The following CDA variants were observed in gnomAD, a reference collection of about 807,000 sequenced individuals.
The protein encoded by CDA is cytidine deaminase.
Under a neutral mutation model 15.0 loss-of-function variants are expected in CDA, and 7 were observed. The ratio of observed to expected loss-of-function variants is 0.47; its 90% CI spans 0.26 to 0.87. The LOEUF (loss-of-function observed/expected upper bound fraction) is 0.87, where lower values mean the gene tolerates loss of function less well. Ranked by LOEUF, CDA falls within the 40% of genes least tolerant of loss-of-function variation. The pLI is 0.15. For missense variants in CDA, 159 were observed against 182.7 expected, an observed-to-expected ratio of 0.87 and a Z score of 0.75; for synonymous variants, 58 against 73.0, an observed-to-expected ratio of 0.79 and a Z score of 1.05.
At chr1:20,604,395 T>C (rs1337687519) in intron 1 of CDA, among the ~76,000 whole-genome samples, 1 of 152,126 alleles carries the variant, frequency 6.6e-6, no homozygotes, top group Admixed American at 6.5e-5. Context: ...GTTCTCTGGT[T>C]TTATAAGTGC....
chr1:20,617,593 G>C (rs1440386806), intron 3 of CDA, among the ~76,000 whole-genome samples: 1 of 152,144 alleles, frequency 6.6e-6, no homozygotes, highest in Non-Finnish European at 1.5e-5. Context: ...CTGTTGCCAG[G>C]TAAGACATCC....
chr1:20,617,045 G>T (rs2052819307), intron 3 of CDA, among the ~76,000 whole-genome samples: 1 of 152,062 alleles, frequency 6.6e-6, no homozygotes, highest in Non-Finnish European at 1.5e-5. Flanking sequence ...AGAATACCTG[G>T]CCAGAAAGAG....
chr1:20,604,821 G>C, intron 1 of CDA, 107 bp from the exon 2 acceptor site: 1 of 766,842 alleles, frequency 1.3e-6, no homozygotes, highest in Non-Finnish European at 2.3e-6. Context: ...ACCTTGTTTG[G>C]AGTAACCAGT....
Position 20,610,264 on chromosome 1 carries a change from T to TA in CDA, c.267-3578_267-3577insA, listed in dbSNP as rs1348858537. Reference sequence around the variant, plus strand: ...GCACATTCTAGGCACACATTATCTTTTTTTTTTTTATTTTATTTTATTTTT... The same window carrying TA: ...GCACATTCTAGGCACACATTATCTTTATTTTTTTTTATTTTATTTTATTTTT... On this transcript the variant is annotated intron_variant, in intron 2 of 3. Coordinates refer to ENST00000375071, the MANE Select transcript of CDA (RefSeq NM_001785.3). 8.4e-3 allele frequency among the ~76,000 whole-genome samples: 524 copies of TA among 62,314 alleles called. 7 individuals carry two copies. The highest frequency in any genetic ancestry group is 0.019 in the Admixed American group (85 of 4,424). 40.9% of individuals were successfully genotyped at this position (62,314 alleles called of 152,430 possible). A position where few individuals can be genotyped will look rare whatever the true frequency, so the allele number is the denominator to read the frequency against.
At chr1:20,595,443 CT>C (rs2101177413) in intron 1 of CDA, among the ~76,000 whole-genome samples, 1 of 152,286 alleles carries the variant, frequency 6.6e-6, no homozygotes, top group East Asian at 1.9e-4. Flanking sequence ...ACCAGCCCCT[CT>C]CTTCAGCAGC....
At chr1:20,613,722 G>A (rs949996753) in intron 2 of CDA, 120 bp from the exon 3 acceptor site, 2 of 886,588 alleles carry the variant, frequency 2.3e-6, no homozygotes, top group African/African-American at 3.3e-5. Flanking sequence ...TGTGAATCAG[G>A]AACTGCCTGA....
chr1:20,591,637 C>T (rs1024719295), intron 1 of CDA, among the ~76,000 whole-genome samples: 2 of 152,086 alleles, frequency 1.3e-5, no homozygotes, highest in African/African-American at 4.8e-5. Context: ...AGGAGATAAA[C>T]AGGACTGTGG....
chr1:20,597,589 G>C (rs2052602270), intron 1 of CDA, among the ~76,000 whole-genome samples: 1 of 152,216 alleles, frequency 6.6e-6, no homozygotes, highest in Non-Finnish European at 1.5e-5. Context: ...CTGACCTTAT[G>C]CAGGTAAAGC....
chr1:20,592,419 T>C (rs10916824), intron 1 of CDA, among the ~76,000 whole-genome samples: 9,048 of 152,326 alleles, frequency 0.059, 373 homozygotes, highest in South Asian at 0.091. Flanking sequence ...CTATCATTAT[T>C]CTTATTATCT....
rs545704920 is a variant in CDA, at chr1:20,602,149, AGGAGG to A, written c.155-2752_155-2748del. On this transcript the variant is annotated intron_variant, in intron 1 of 3. Transcript: ENST00000375071. ...GAAAGGAGAGGGGAGAGGAGGAGAA[AGGAGG>A]GGAGGGGAGGGGAGGGGAGGGGAGG... Among the ~76,000 whole-genome samples, 479 of 71,914 alleles carry A rather than the reference AGGAGG, an allele frequency of 6.7e-3. 3 individuals carry two copies. Among genetic ancestry groups the A allele is most frequent in the African/African-American group, 0.016 (303 of 19,488 alleles). The allele number at this position is 71,914 out of a possible 152,430, so 47.2% of individuals were successfully genotyped here.
intron 1 of CDA, among the ~76,000 whole-genome samples, chr1:20,595,650 G>A (rs933531703): frequency 2.6e-5 from 4 of 152,152 alleles, no homozygotes; most frequent in African/African-American, 9.7e-5. Context: ...GACCAGCCTA[G>A]GCAACAGGGT....
chr1:20,605,923 C>A (rs1414854609), intron 2 of CDA, among the ~76,000 whole-genome samples: 1 of 126,326 alleles, frequency 7.9e-6, no homozygotes, highest in Non-Finnish European at 1.8e-5. Context: ...TCTTGGCTTA[C>A]TTATAGGTTC....
rs2052525817 is a variant in CDA at position 20,589,176 on chromosome 1, A to G, written c.47A>G (p.Gln16Arg). ...TGCACCCTGAAGCCTGAGTGTGTCC[A>G]GCAGCTGCTGGTTTGCTCCCAGGAG... ...PACTLKPECV[Q>R]QLLVCSQEAK... Residue 16 changes from glutamine to arginine, a missense_variant, in exon 1 of 4, where the codon CAG becomes CGG. Transcript: ENST00000375071. The G allele has an allele frequency of 6.2e-7, 1 of 1,613,972 alleles. No individual in the cohort carries two copies. The highest frequency in any genetic ancestry group is 1.7e-5 in the Admixed American group (1 of 59,994).
intron 1 of CDA, among the ~76,000 whole-genome samples, chr1:20,593,608 C>T (rs990869800): frequency 6.6e-6 from 1 of 152,232 alleles, no homozygotes; most frequent in Non-Finnish European, 1.5e-5. Flanking sequence ...CAGGGTCTCT[C>T]TGCTGCCCAT....
intron 1 of CDA, among the ~76,000 whole-genome samples, chr1:20,591,012 C>A (rs1445461689): frequency 1.3e-5 from 2 of 152,146 alleles, no homozygotes; most frequent in African/African-American, 4.8e-5. Context: ...CCAGGGGACC[C>A]CCATGCCAGA....
chr1:20,598,617 T>C (rs1422409061), intron 1 of CDA, among the ~76,000 whole-genome samples: 1 of 152,244 alleles, frequency 6.6e-6, no homozygotes, highest in Admixed American at 6.5e-5. Flanking sequence ...GGGCCCTCTT[T>C]CTGACTTGGC....
rs78313074 is a variant in CDA at position 20,608,393 on chromosome 1, A to AGTTTTGTTTTGTTTTGTTTTGTTTT, written c.266+3364_266+3388dup. 3.3e-3 allele frequency among the ~76,000 whole-genome samples: 345 copies of AGTTTTGTTTTGTTTTGTTTTGTTTT among 104,994 alleles called. 4 individuals carry two copies. The highest frequency in any genetic ancestry group is 0.011 in the African/African-American group (330 of 31,304). The allele number at this position is 104,994 out of a possible 152,430, so 68.9% of individuals were successfully genotyped here. A position where few individuals can be genotyped will look rare whatever the true frequency, so the allele number is the denominator to read the frequency against. ...ATGTAATACATTCAAACTATTATATAGTTTTGTTTTGTTTTGTTTTGTTTT... is the reference window on the plus strand; with the variant it reads ...ATGTAATACATTCAAACTATTATATAGTTTTGTTTTGTTTTGTTTTGTTTTGTTTTGTTTTGTTTTGTTTTGTTTT... On this transcript the variant is annotated intron_variant, in intron 2 of 3. Transcript: ENST00000375071.
chr1:20,604,995 C>A lies in CDA; in HGVS notation c.222C>A (p.Ala74=), dbSNP rs781623943. The A allele has an allele frequency of 6.8e-6, 11 of 1,613,884 alleles. No individual in the cohort carries two copies. The highest frequency in any genetic ancestry group is 9.3e-6 in the Non-Finnish European group (11 of 1,179,866). Residue 74 remains alanine, a synonymous_variant, in exon 2 of 4, where the codon GCC becomes GCA. Transcript: ENST00000375071. ...CTGAACGGACCGCTATCCAGAAGGC[C>A]GTCTCAGAAGGGTACAAGGATTTCA... is the stretch of plus-strand genomic sequence containing the variant. The part of the protein sequence containing the change: ...ICAERTAIQK[A]VSEGYKDFRA...
At chr1:20,604,048 T>A (rs965764341) in intron 1 of CDA, among the ~76,000 whole-genome samples, 1 of 131,150 alleles carries the variant, frequency 7.6e-6, no homozygotes, top group African/African-American at 2.6e-5. Context: ...TTTTTTTTGT[T>A]TGTTTGTTAA....
Sources: allele counts gnomAD v4.1 joint callset (sites outside exome capture counted in the v4.1 genomes callset), GRCh38; gene constraint gnomAD v4.1.1; transcripts MANE v1.5; gene names NCBI Gene and HGNC (gene_info 2026-07-23, HGNC 2026-07-21).